LRRC4C: variants seen among roughly 807,000 people sequenced by gnomAD.
The protein encoded by LRRC4C is leucine-rich repeat-containing protein 4C.
Under a neutral mutation model 33.6 loss-of-function variants are expected in LRRC4C, and 5 were observed. The observed-to-expected ratio is 0.15, with a 90% CI of 0.08 to 0.31. The LOEUF (loss-of-function observed/expected upper bound fraction) is 0.31, where lower values mean the gene tolerates loss of function less well. Among genes scored for constraint, LRRC4C ranks in the 10% least tolerant of loss-of-function variants. LRRC4C has a pLI of 1.00. For missense variants in LRRC4C, 560 were observed against 796.7 expected (o/e 0.70, Z 3.58); for synonymous variants, 329 against 302.0 (o/e 1.09, Z -0.93).
chr11:40,775,623 A>G (rs1949960375), intron 2 of LRRC4C, among the ~76,000 whole-genome samples: 2 of 152,136 alleles, frequency 1.3e-5, no homozygotes, highest in Admixed American at 1.3e-4. Flanking sequence ...TGGAGCATTG[A>G]TTTTGTATAC....
chr11:40,586,615 A>G lies in LRRC4C; in HGVS notation c.-270+61527T>C, dbSNP rs569289067. Among the ~76,000 whole-genome samples, 8 of 149,226 alleles carry G rather than the reference A, an allele frequency of 5.4e-5. No individual in the cohort carries two copies. The East Asian group carries it at 1.2e-3, about 22-fold the overall frequency. On this transcript the variant is annotated intron_variant, in intron 3 of 6. Coordinates refer to ENST00000528697, the MANE Select transcript of LRRC4C (RefSeq NM_001258419.2). ...GGGTTTTTATGGTTTTAGGTCTAAC[A>G]TTTAAGTCTTTAATCCATCTTGAAT... is the stretch of plus-strand genomic sequence containing the variant.
chr11:40,708,195 T>C (rs545460906), intron 2 of LRRC4C, among the ~76,000 whole-genome samples: 1 of 152,302 alleles, frequency 6.6e-6, no homozygotes, highest in South Asian at 2.1e-4. Flanking sequence ...AAGGGTTTTT[T>C]TTATGTCTCT....
chr11:40,584,201 T>TATATATATATAC (rs1958605875), intron 3 of LRRC4C, among the ~76,000 whole-genome samples: 1 of 138,156 alleles, frequency 7.2e-6, no homozygotes, highest in Non-Finnish European at 1.6e-5. Context: ...TATATATATA[T>TATATATATATAC]ATATGAACTC....
chr11:41,034,239 C>T (rs1003019768), intron 1 of LRRC4C, among the ~76,000 whole-genome samples: 2 of 151,834 alleles, frequency 1.3e-5, no homozygotes, highest in Non-Finnish European at 2.9e-5. Context: ...GGCCAACTTG[C>T]CTTGCCTTCT....
intron 1 of LRRC4C, among the ~76,000 whole-genome samples, chr11:41,233,345 A>T (rs1947882646): frequency 6.6e-6 from 1 of 152,068 alleles, no homozygotes; most frequent in Non-Finnish European, 1.5e-5. Flanking sequence ...TATCAATATT[A>T]CTTATAATAT....
chr11:40,532,840 T>G (rs1439536104), intron 3 of LRRC4C, among the ~76,000 whole-genome samples: 1 of 152,118 alleles, frequency 6.6e-6, no homozygotes, highest in Non-Finnish European at 1.5e-5. Context: ...GAGGTTTAAC[T>G]GACTCACAGT....
At chr11:41,154,892 G>C (rs563592535) in intron 1 of LRRC4C, among the ~76,000 whole-genome samples, 1 of 152,258 alleles carries the variant, frequency 6.6e-6, no homozygotes, top group Non-Finnish European at 1.5e-5. Flanking sequence ...TAACTCACTA[G>C]AGTGGTACGA....
chr11:40,548,065 C>T (rs966743722), intron 3 of LRRC4C, among the ~76,000 whole-genome samples: 1 of 151,828 alleles, frequency 6.6e-6, no homozygotes, highest in African/African-American at 2.4e-5. Flanking sequence ...TTGACTGGAT[C>T]AAAGCGGGAA....
In LRRC4C at chr11:40,567,396, G is replaced by A. The variant is rs116507645; in HGVS notation, c.-270+80746C>T. Among the ~76,000 whole-genome samples the A allele has an allele frequency of 9.0e-3, 1,372 of 152,246 alleles. 26 individuals are homozygous for A. The highest frequency in any genetic ancestry group is 0.031 in the African/African-American group (1,276 of 41,548). On this transcript the variant is annotated intron_variant, in intron 3 of 6. Transcript: ENST00000528697. Reference sequence around the variant, plus strand: ...ATGTCTATTATATACCAGGCATCAAGCTATGTGTTTTCACAAATGTTATCT... The same window carrying A: ...ATGTCTATTATATACCAGGCATCAAACTATGTGTTTTCACAAATGTTATCT...
chr11:40,754,773 T>C (rs2137018911), intron 2 of LRRC4C, among the ~76,000 whole-genome samples: 1 of 152,284 alleles, frequency 6.6e-6, no homozygotes, highest in South Asian at 2.1e-4. Context: ...TTTTACTTTT[T>C]TTTTACTAAG....
intron 2 of LRRC4C, among the ~76,000 whole-genome samples, chr11:40,671,477 C>T (rs1407169824): frequency 1.3e-5 from 2 of 151,988 alleles, no homozygotes; most frequent in South Asian, 2.1e-4. Flanking sequence ...AATATCTCAG[C>T]CCCTACTATT....
In LRRC4C at chr11:41,429,048, T is replaced by C. The variant is rs887748939; in HGVS notation, c.-496+30383A>G. Among the ~76,000 whole-genome samples, 4 of 152,220 alleles carry C rather than the reference T, an allele frequency of 2.6e-5. No individual in the cohort carries two copies. In the Middle Eastern group the frequency reaches 0.01, roughly 391 times the overall value. ...TAGTTCCCGTAATCCCCACATATCA[T>C]GGGAGGGAACCAGTGGGTTGTAATT... On this transcript the variant is annotated intron_variant, in intron 1 of 6. Transcript: ENST00000528697.
chr11:40,983,794 T>C (rs573983141), intron 1 of LRRC4C, among the ~76,000 whole-genome samples: 1 of 152,304 alleles, frequency 6.6e-6, no homozygotes, highest in South Asian at 2.1e-4. Flanking sequence ...CACAATGAGA[T>C]ACCATTTCAC....
At chr11:40,124,927 A>T (rs1242032061) in intron 6 of LRRC4C, among the ~76,000 whole-genome samples, 6 of 152,006 alleles carry the variant, frequency 3.9e-5, no homozygotes, top group Admixed American at 2.0e-4. Flanking sequence ...ATAAATATAT[A>T]CACCTACTAT....
chr11:40,211,728 C>G (rs574946201), intron 5 of LRRC4C, among the ~76,000 whole-genome samples: 1 of 152,120 alleles, frequency 6.6e-6, no homozygotes, highest in African/African-American at 2.4e-5. Context: ...GCCAAAATGT[C>G]AGGTAAACAT....
intron 3 of LRRC4C, among the ~76,000 whole-genome samples, chr11:40,610,802 A>G (rs934311317): frequency 6.6e-6 from 1 of 151,858 alleles, no homozygotes; most frequent in Non-Finnish European, 1.5e-5. Context: ...AATGCTTAGC[A>G]TTGAAATTTA....
chr11:41,349,676 G>T (rs1187177911), intron 1 of LRRC4C, among the ~76,000 whole-genome samples: 2 of 152,024 alleles, frequency 1.3e-5, no homozygotes, highest in Non-Finnish European at 2.9e-5. Flanking sequence ...CTAAAGGACA[G>T]CAACTTCACA....
At chr11:41,224,692 A>G (rs1157353009) in intron 1 of LRRC4C, among the ~76,000 whole-genome samples, 5 of 152,178 alleles carry the variant, frequency 3.3e-5, no homozygotes, top group African/African-American at 4.8e-5. Context: ...ATGTCAACGT[A>G]CTCATTAGCC....
At position 40,333,822 on chromosome 11, in the gene LRRC4C, C is replaced by G. The variant is rs529334756; in HGVS notation, c.-269-14101G>C. 1.6e-3 allele frequency among the ~76,000 whole-genome samples: 246 copies of G among 150,636 alleles called. 1 individual carries two copies. Among genetic ancestry groups the G allele is most frequent in the African/African-American group, 5.8e-3 (237 of 41,018 alleles). Reference sequence around the variant, plus strand: ...AGTATGATAATGATCAGATGAGTGACTTCAATTGATTTCCAGTGGTCAGAT... The same window carrying G: ...AGTATGATAATGATCAGATGAGTGAGTTCAATTGATTTCCAGTGGTCAGAT... On this transcript the variant is annotated intron_variant, in intron 3 of 6. Coordinates refer to ENST00000528697, the MANE Select transcript of LRRC4C (RefSeq NM_001258419.2).
Sources: allele counts gnomAD v4.1 joint callset (sites outside exome capture counted in the v4.1 genomes callset), GRCh38; gene constraint gnomAD v4.1.1; transcripts MANE v1.5; gene names NCBI Gene and HGNC (gene_info 2026-07-23, HGNC 2026-07-21).